RAMP1: variants seen among roughly 807,000 people sequenced by gnomAD.
RAMP1 encodes receptor activity modifying protein 1.
RAMP1 carries 7 observed loss-of-function variants against 8.2 expected under a neutral mutation model. That is an observed-to-expected ratio of 0.85 (90% CI 0.49 to 1.60). The LOEUF (loss-of-function observed/expected upper bound fraction) is 1.60, where lower values mean the gene tolerates loss of function less well. Ranked by LOEUF, RAMP1 falls within the 40% of genes most tolerant of loss-of-function variation. RAMP1 has a pLI of 0.00. For missense variants in RAMP1, 192 were observed against 202.4 expected, an observed-to-expected ratio of 0.95 and a Z score of 0.31; for synonymous variants, 92 against 84.7, an observed-to-expected ratio of 1.09 and a Z score of -0.47.
intron 2 of RAMP1, among the ~76,000 whole-genome samples, chr2:237,890,227 A>C (rs530100997): frequency 2.1e-4 from 32 of 151,226 alleles, no homozygotes; most frequent in African/African-American, 7.0e-4. Flanking sequence ...TTTGAGACAG[A>C]GTCTCACTGT....
At chr2:237,861,455 G>T (rs921554666) in intron 1 of RAMP1, among the ~76,000 whole-genome samples, 1 of 152,162 alleles carries the variant, frequency 6.6e-6, no homozygotes, top group African/African-American at 2.4e-5. Flanking sequence ...TACCAAGAAT[G>T]GCAATGTGGA....
chr2:237,911,764 G>A lies in RAMP1; in HGVS notation c.428G>A (p.Arg143His), dbSNP rs370289745. The change falls in exon 3 of 3, where the codon CGC becomes CAC. Residue 143 changes from arginine to histidine, a missense_variant. By Grantham distance (29) the Arg-to-His change is conservative. Coordinates refer to ENST00000254661, the MANE Select transcript of RAMP1 (RefSeq NM_005855.4). ...VTALVVWQSK[R>H]TEGIV The stretch of plus-strand genomic sequence containing the variant: ...GCACTGGTGGTCTGGCAGAGCAAGC[G>A]CACTGAGGGCATTGTGTAGGCGGGG... 1.8e-5 allele frequency: 29 copies of A among 1,609,648 alleles called. No homozygotes were observed. Among genetic ancestry groups the A allele is most frequent in the African/African-American group, 6.7e-5 (5 of 74,864 alleles).
intron 2 of RAMP1, among the ~76,000 whole-genome samples, chr2:237,894,820 G>A (rs1432248713): frequency 2.6e-5 from 4 of 152,162 alleles, no homozygotes; most frequent in Middle Eastern, 3.2e-3. Context: ...GCACAAACAC[G>A]TTCAAAGACG....
intron 2 of RAMP1, among the ~76,000 whole-genome samples, chr2:237,879,255 A>T (rs1386292981): frequency 6.6e-6 from 1 of 151,540 alleles, no homozygotes; most frequent in Non-Finnish European, 1.5e-5. Flanking sequence ...GTGTAGATTG[A>T]TTGTGAACGG....
chr2:237,875,662 C>G (rs1245679374), intron 1 of RAMP1, among the ~76,000 whole-genome samples: 1 of 152,192 alleles, frequency 6.6e-6, no homozygotes, highest in Non-Finnish European at 1.5e-5. Context: ...ACACACCTGG[C>G]TCTTTGGGAC....
At chr2:237,894,769 G>GAACCTT (rs1263133580) in intron 2 of RAMP1, among the ~76,000 whole-genome samples, 1 of 152,176 alleles carries the variant, frequency 6.6e-6, no homozygotes, top group Non-Finnish European at 1.5e-5. Context: ...TGGACGGCTG[G>GAACCTT]AACCTTCTCC....
chr2:237,884,994 C>T (rs558919492), intron 2 of RAMP1, among the ~76,000 whole-genome samples: 2 of 152,320 alleles, frequency 1.3e-5, no homozygotes, highest in African/African-American at 4.8e-5. Context: ...TGTGGTACGG[C>T]GGCTCAGCAT....
chr2:237,865,281 G>A lies in RAMP1; in HGVS notation c.52+5554G>A, dbSNP rs1307804574. 7.2e-6 allele frequency among the ~76,000 whole-genome samples: 1 copy of A among 139,790 alleles called. No individual in the cohort carries two copies. Among genetic ancestry groups the A allele is most frequent in the African/African-American group, 2.7e-5 (1 of 37,290 alleles). 91.7% of individuals were successfully genotyped at this position (139,790 alleles called of 152,430 possible). On this transcript the variant is annotated intron_variant, in intron 1 of 2. Transcript: ENST00000254661. This position sits in a 1 kb window ranked among gnomAD's most constrained non-coding sequence, Gnocchi z 4.2. ...GGGAGAAGAGAGGAGAGGAGGGGAG[G>A]GGAGAGCAGGGGAGAGGAGAGGAGG...
At chr2:237,886,898 G>A (rs1489257136) in intron 2 of RAMP1, among the ~76,000 whole-genome samples, 3 of 152,190 alleles carry the variant, frequency 2.0e-5, no homozygotes, top group Admixed American at 6.5e-5. Flanking sequence ...TGGTGGCGGG[G>A]GCTCGTCGTA....
Position 237,889,522 on chromosome 2 carries a change from G to A in RAMP1, c.191+12160G>A, listed in dbSNP as rs1416804125. On this transcript the variant is annotated intron_variant, in intron 2 of 2. Transcript: ENST00000254661. Reference sequence around the variant, plus strand: ...GAAATAATTTTTACTTATATTCTGGGGTCGTACCACGCCATTTAAATTACC... The same window carrying A: ...GAAATAATTTTTACTTATATTCTGGAGTCGTACCACGCCATTTAAATTACC... Among the ~76,000 whole-genome samples, 4 of 151,810 alleles carry A rather than the reference G, an allele frequency of 2.6e-5. No individual in the cohort carries two copies. The East Asian group carries it at 7.7e-4, about 29-fold the overall frequency.
chr2:237,911,729 G>C lies in RAMP1; in HGVS notation c.393G>C (p.Leu131=). ...PFIVVPITVT[L]LVTALVVWQS... is the part of the protein sequence containing the mutation. The stretch of plus-strand genomic sequence containing the variant: ...TCGTGGTCCCCATCACGGTGACCCT[G>C]CTGGTGACGGCACTGGTGGTCTGGC... Residue 131 remains leucine, a synonymous_variant, in exon 3 of 3, where the codon CTG becomes CTC. Transcript: ENST00000254661. 1 of 1,613,490 alleles carries C rather than the reference G, an allele frequency of 6.2e-7. No homozygotes were observed.
chr2:237,863,403 C>T (rs944738927), intron 1 of RAMP1, among the ~76,000 whole-genome samples: 8 of 152,180 alleles, frequency 5.3e-5, no homozygotes, highest in Admixed American at 4.6e-4. Flanking sequence ...GGAGGGATGT[C>T]CTTGTCCCCA....
intron 2 of RAMP1, among the ~76,000 whole-genome samples, chr2:237,886,048 C>T (rs778401305): frequency 6.6e-6 from 1 of 152,196 alleles, no homozygotes; most frequent in African/African-American, 2.4e-5. Context: ...ACATGCAGCT[C>T]GCGCAGTGAC....
intron 2 of RAMP1, among the ~76,000 whole-genome samples, chr2:237,898,586 AG>A (rs2062566632): frequency 6.6e-6 from 1 of 152,210 alleles, no homozygotes; most frequent in Non-Finnish European, 1.5e-5. Flanking sequence ...TTCATCAAAC[AG>A]TTAACAAGAC....
At chr2:237,893,138 C>T (rs2062502728) in intron 2 of RAMP1, among the ~76,000 whole-genome samples, 1 of 152,192 alleles carries the variant, frequency 6.6e-6, no homozygotes. Flanking sequence ...TGAGTGACAG[C>T]TTGGCAAGAT....
At chr2:237,905,061 C>T (rs896293944) in intron 2 of RAMP1, among the ~76,000 whole-genome samples, 3 of 152,144 alleles carry the variant, frequency 2.0e-5, no homozygotes, top group African/African-American at 4.8e-5. Flanking sequence ...GCTGGAAACT[C>T]CCACCATAGG....
chr2:237,874,209 G>A (rs2062276100), intron 1 of RAMP1, among the ~76,000 whole-genome samples: 3 of 152,226 alleles, frequency 2.0e-5, no homozygotes, highest in Admixed American at 2.0e-4. Flanking sequence ...CAGTAGGCTG[G>A]GGGCAGGCCG....
chr2:237,887,959 G>GT lies in RAMP1; in HGVS notation c.191+10604dup, dbSNP rs570022409. On this transcript the variant is annotated intron_variant, in intron 2 of 2. Coordinates refer to ENST00000254661, the MANE Select transcript of RAMP1 (RefSeq NM_005855.4). Reference sequence around the variant, plus strand: ...AAGAACTTGTGTACATATATCCTTTGTTTTTTTAAAAAAGATTTTGTTGTT... The same window carrying GT: ...AAGAACTTGTGTACATATATCCTTTGTTTTTTTTAAAAAAGATTTTGTTGTT... Among the ~76,000 whole-genome samples the GT allele has an allele frequency of 3.3e-3, 501 of 152,038 alleles. 5 individuals carry two copies. Among genetic ancestry groups the GT allele is most frequent in the African/African-American group, 0.011 (471 of 41,482 alleles).
At chr2:237,860,069 G>A (rs1298631535) in intron 1 of RAMP1, 1 of 196,780 alleles carries the variant, frequency 5.1e-6, no homozygotes, top group Non-Finnish European at 1.0e-5. Flanking sequence ...GGGTTCCCCA[G>A]CCCCGCACCT....
Sources: allele counts gnomAD v4.1 joint callset (sites outside exome capture counted in the v4.1 genomes callset), GRCh38; gene constraint gnomAD v4.1.1; non-coding constraint Gnocchi (gnomAD v3.1); transcripts MANE v1.5; gene names NCBI Gene and HGNC (gene_info 2026-07-23, HGNC 2026-07-21).